SP140L: variants seen among roughly 807,000 people sequenced by gnomAD.
SP140L encodes SP140 like nuclear body protein, also known as nuclear body protein SP140-like protein.
SP140L carries 64 observed loss-of-function variants against 84.3 expected under a neutral mutation model. That is an observed-to-expected ratio of 0.76 (90% confidence interval 0.62 to 0.94). SP140L has a LOEUF of 0.94. Ranked by LOEUF, SP140L falls within the 40% of genes least tolerant of loss-of-function variation. SP140L has a pLI of 0.00. For synonymous variants in SP140L, 242 were observed against 236.9 expected (o/e 1.02, Z -0.20); for missense variants, 628 against 692.5 (o/e 0.91, Z 1.05).
chr2:230,377,141 C>G (rs2061266540), intron 7 of SP140L, among the ~76,000 whole-genome samples: 1 of 152,194 alleles, frequency 6.6e-6, no homozygotes, highest in South Asian at 2.1e-4. Context: ...TTGTGTTCTT[C>G]TCAGCTGTCT....
intron 13 of SP140L, 108 bp downstream of exon 13, chr2:230,393,569 C>A (rs933672573): frequency 1.6e-6 from 2 of 1,272,030 alleles, no homozygotes; most frequent in East Asian, 3.0e-5. Flanking sequence ...TAAGCTTTCA[C>A]CTTCTCCACT....
At chr2:230,352,848 A>C (rs991830444) in intron 2 of SP140L, among the ~76,000 whole-genome samples, 1 of 148,930 alleles carries the variant, frequency 6.7e-6, no homozygotes, top group African/African-American at 2.5e-5. Flanking sequence ...ACACATGCAC[A>C]CACACACATA....
intron 11 of SP140L, among the ~76,000 whole-genome samples, chr2:230,391,229 A>G (rs1041229179): frequency 6.6e-6 from 1 of 152,218 alleles, no homozygotes; most frequent in Non-Finnish European, 1.5e-5. Context: ...TTTGGAGTGT[A>G]TATTCAAGAA....
intron 2 of SP140L, 96 bp downstream of exon 2, chr2:230,328,927 T>A: frequency 6.9e-7 from 1 of 1,448,226 alleles, no homozygotes; most frequent in Non-Finnish European, 9.1e-7. Flanking sequence ...AAATTTCCTC[T>A]TCCATAATTT....
At chr2:230,336,909 T>C (rs906080461) in intron 2 of SP140L, among the ~76,000 whole-genome samples, 6 of 152,236 alleles carry the variant, frequency 3.9e-5, no homozygotes, top group Admixed American at 3.9e-4. Context: ...TTGTTTCTGA[T>C]GTCAGTTTTG....
intron 2 of SP140L, among the ~76,000 whole-genome samples, chr2:230,347,150 G>C (rs1373388853): frequency 1.3e-5 from 2 of 152,176 alleles, no homozygotes; most frequent in Non-Finnish European, 2.9e-5. Context: ...CCTGTGCTCT[G>C]GTGTTTGCTG....
intron 7 of SP140L, among the ~76,000 whole-genome samples, chr2:230,374,046 T>A (rs1001207424): frequency 4.6e-5 from 7 of 152,340 alleles, no homozygotes; most frequent in African/African-American, 1.7e-4. Context: ...GAGGTTGCAG[T>A]GGTTCCCACC....
At chr2:230,398,137 A>G (rs189962519) in intron 14 of SP140L, among the ~76,000 whole-genome samples, 3 of 152,332 alleles carry the variant, frequency 2.0e-5, no homozygotes, top group African/African-American at 7.2e-5. Context: ...AAATTAATCA[A>G]TCTGGACTAT....
chr2:230,388,461 T>C (rs575896184), intron 9 of SP140L, 98 bp from the exon 10 acceptor site: 10 of 973,370 alleles, frequency 1.0e-5, no homozygotes, highest in Non-Finnish European at 1.3e-5. Context: ...TAAACAGGCT[T>C]TTGGAAAGTT....
At chr2:230,340,406 C>T (rs2060005414) in intron 2 of SP140L, among the ~76,000 whole-genome samples, 1 of 148,658 alleles carries the variant, frequency 6.7e-6, no homozygotes, top group South Asian at 2.1e-4. Flanking sequence ...AGATGCGTTT[C>T]CTGAATACAG....
intron 5 of SP140L, among the ~76,000 whole-genome samples, chr2:230,365,986 G>C (rs1439955749): frequency 6.6e-6 from 1 of 152,070 alleles, no homozygotes; most frequent in African/African-American, 2.4e-5. Context: ...GGTCAGAAAA[G>C]ATACCTGATA....
At chr2:230,365,526 CT>C (rs994999037) in intron 5 of SP140L, among the ~76,000 whole-genome samples, 5 of 150,374 alleles carry the variant, frequency 3.3e-5, no homozygotes, top group Admixed American at 6.6e-5. Flanking sequence ...TGAGTCTTTT[CT>C]TTTTTTTTAG....
chr2:230,336,557 C>T (rs1412608700), intron 2 of SP140L, among the ~76,000 whole-genome samples: 1 of 152,182 alleles, frequency 6.6e-6, no homozygotes, highest in African/African-American at 2.4e-5. Context: ...AGAGTGAGTA[C>T]TCAGAAATGT....
At chr2:230,361,576 A>C (rs564535267) in intron 4 of SP140L, 38 bp from the exon 5 acceptor site, 1 of 1,495,044 alleles carries the variant, frequency 6.7e-7, no homozygotes, top group African/African-American at 1.4e-5. Context: ...TGGTTCTCAC[A>C]GATCTTTAAT....
chr2:230,393,364 C>A, intron 12 of SP140L, 50 bp from the exon 13 acceptor site: 1 of 1,542,106 alleles, frequency 6.5e-7, no homozygotes, highest in East Asian at 2.4e-5. Flanking sequence ...GCCAGACTCA[C>A]AAAACAGAAA....
At chr2:230,332,874 C>A (rs1184898192) in intron 2 of SP140L, among the ~76,000 whole-genome samples, 1 of 152,178 alleles carries the variant, frequency 6.6e-6, no homozygotes, top group Non-Finnish European at 1.5e-5. Flanking sequence ...CAAGACTGAC[C>A]TTCTGAAGCT....
intron 5 of SP140L, among the ~76,000 whole-genome samples, chr2:230,370,063 C>T (rs1035241444): frequency 5.9e-5 from 9 of 152,176 alleles, no homozygotes; most frequent in African/African-American, 1.4e-4. Flanking sequence ...TGAGCCACCG[C>T]ACCCTGCCAC....
intron 7 of SP140L, chr2:230,372,834 G>A (rs2061129940): frequency 6.6e-6 from 1 of 151,986 alleles, no homozygotes; most frequent in African/African-American, 2.4e-5. Flanking sequence ...GACATAGGCT[G>A]AAAATTAGGC....
chr2:230,361,561 G>A, intron 4 of SP140L, 53 bp from the exon 5 acceptor site: 3 of 1,401,462 alleles, frequency 2.1e-6, no homozygotes, highest in Non-Finnish European at 3.0e-6. Context: ...TCCAGGTGTT[G>A]TCCCTGGTTC....
Sources: allele counts gnomAD v4.1 joint callset (sites outside exome capture counted in the v4.1 genomes callset), GRCh38; gene constraint gnomAD v4.1.1; transcripts MANE v1.5; gene names NCBI Gene and HGNC (gene_info 2026-07-23, HGNC 2026-07-21).